Variants in PCNX2 observed in about 807,000 individuals in gnomAD.
The protein encoded by PCNX2 is pecanex 2, also known as pecanex-like protein 2.
Under a neutral mutation model 223.8 loss-of-function variants are expected in PCNX2, and 168 were observed. That is an observed-to-expected ratio of 0.75 (90% confidence interval 0.66 to 0.85). The LOEUF is 0.85. Among genes scored for constraint, PCNX2 ranks in the 40% least tolerant of loss-of-function variants. The pLI is 0.00. For missense variants in PCNX2, 2,507 were observed against 2,675.5 expected (o/e 0.94, Z 1.39); for synonymous variants, 1,006 against 1,052.6 (o/e 0.96, Z 0.86).
the PCNX2 span, among the ~76,000 whole-genome samples, chr1:233,322,758 C>T: frequency 6.6e-6 from 1 of 152,092 alleles, no homozygotes; most frequent in Non-Finnish European, 1.5e-5. Context: ...GTCAAAGGCA[C>T]CCCCACCCTG....
intron 9 of PCNX2, among the ~76,000 whole-genome samples, chr1:233,229,206 C>T (rs1331092781): frequency 1.3e-5 from 2 of 152,172 alleles, no homozygotes; most frequent in Non-Finnish European, 2.9e-5. Context: ...TGCTAATCTG[C>T]TTACTCAGCC....
At chr1:233,075,299 T>C (rs557102711) in intron 23 of PCNX2, among the ~76,000 whole-genome samples, 2 of 152,322 alleles carry the variant, frequency 1.3e-5, no homozygotes, top group South Asian at 2.1e-4. Context: ...CACTGAATTA[T>C]GTTGTGTGAA....
chr1:233,045,456 T>G (rs145412145), intron 25 of PCNX2, among the ~76,000 whole-genome samples: 3 of 152,322 alleles, frequency 2.0e-5, no homozygotes, highest in Non-Finnish European at 4.4e-5. Flanking sequence ...GACTGGACTC[T>G]ACATGAATGT....
At chr1:233,092,558 G>C (rs971599793) in intron 22 of PCNX2, among the ~76,000 whole-genome samples, 2 of 152,108 alleles carry the variant, frequency 1.3e-5, no homozygotes, top group Non-Finnish European at 2.9e-5. Flanking sequence ...GAATAGAGAG[G>C]ATCTTTTTTG....
At chr1:233,230,397 T>C (rs1157782221) in intron 9 of PCNX2, among the ~76,000 whole-genome samples, 1 of 152,032 alleles carries the variant, frequency 6.6e-6, no homozygotes, top group Admixed American at 6.6e-5. Flanking sequence ...CTGTAAGTGA[T>C]CTAAATAATG....
the PCNX2 span, among the ~76,000 whole-genome samples, chr1:233,304,233 G>A: frequency 6.6e-6 from 1 of 152,176 alleles, no homozygotes; most frequent in Admixed American, 6.6e-5. Context: ...GTGGCACAGA[G>A]GAGCATGAGC....
At chr1:233,185,421 G>A (rs2145790) in intron 15 of PCNX2, among the ~76,000 whole-genome samples, 3,235 of 152,008 alleles carry the variant, frequency 0.021, 50 homozygotes, top group Non-Finnish European at 0.034. Context: ...CACCTTAAAC[G>A]TGTATATAGC....
chr1:233,285,726 T>A (rs1175074666), intron 1 of PCNX2, among the ~76,000 whole-genome samples: 1 of 152,104 alleles, frequency 6.6e-6, no homozygotes, highest in Non-Finnish European at 1.5e-5. Context: ...CAAACACATG[T>A]TTAGGTTGGT....
intron 28 of PCNX2, among the ~76,000 whole-genome samples, chr1:233,007,555 T>TTTAGTA (rs1488603357): frequency 6.6e-6 from 1 of 152,194 alleles, no homozygotes; most frequent in Non-Finnish European, 1.5e-5. Flanking sequence ...TTTATTTTTT[T>TTTAGTA]GAGACGGAGT....
At chr1:233,045,271 G>C (rs1671787038) in intron 25 of PCNX2, among the ~76,000 whole-genome samples, 1 of 152,190 alleles carries the variant, frequency 6.6e-6, no homozygotes, top group South Asian at 2.1e-4. Context: ...TGGGAAGATT[G>C]TTAGGCCAAG....
intron 17 of PCNX2, among the ~76,000 whole-genome samples, chr1:233,163,802 ATGGTC>A (rs1678638194): frequency 6.6e-6 from 1 of 151,966 alleles, no homozygotes; most frequent in South Asian, 2.1e-4. Context: ...TAAAATATGT[ATGGTC>A]TGGCTTCTTT....
intron 21 of PCNX2, among the ~76,000 whole-genome samples, chr1:233,105,427 T>C (rs774099684): frequency 1.2e-4 from 18 of 152,160 alleles, no homozygotes; most frequent in Admixed American, 8.5e-4. Context: ...CAGAGCTATG[T>C]TGCAATAAAC....
chr1:233,092,436 A>G (rs886258789), intron 22 of PCNX2, among the ~76,000 whole-genome samples: 5 of 152,256 alleles, frequency 3.3e-5, no homozygotes, highest in African/African-American at 1.2e-4. Flanking sequence ...TTTAAATGCC[A>G]GAAACAATTA....
intron 25 of PCNX2, among the ~76,000 whole-genome samples, chr1:233,035,953 C>T (rs1350639480): frequency 1.3e-5 from 2 of 152,192 alleles, no homozygotes; most frequent in East Asian, 3.9e-4. Context: ...GCCCCCATAA[C>T]ATTTTTCTTA....
At chr1:233,142,764 T>C (rs185471737) in intron 19 of PCNX2, among the ~76,000 whole-genome samples, 1 of 152,262 alleles carries the variant, frequency 6.6e-6, no homozygotes, top group South Asian at 2.1e-4. Flanking sequence ...CTGATACTTC[T>C]CAGTCTCTCT....
chr1:233,251,592 C>T (rs530019477), intron 7 of PCNX2, among the ~76,000 whole-genome samples: 1 of 152,318 alleles, frequency 6.6e-6, no homozygotes, highest in Non-Finnish European at 1.5e-5. Flanking sequence ...CCTGTGGAGG[C>T]TTTCATGTAA....
intron 17 of PCNX2, among the ~76,000 whole-genome samples, chr1:233,169,631 C>T (rs375682141): frequency 9.5e-5 from 12 of 126,702 alleles, no homozygotes; most frequent in African/African-American, 3.6e-4. Flanking sequence ...GGCGACAGAG[C>T]GAAACTCCGT....
intron 15 of PCNX2, among the ~76,000 whole-genome samples, chr1:233,198,581 A>C (rs1315655254): frequency 1.3e-5 from 2 of 152,174 alleles, no homozygotes; most frequent in Admixed American, 1.3e-4. Flanking sequence ...AGCTTTAAGC[A>C]ATTGTATTCC....
intron 30 of PCNX2, 21 bp from the exon 31 acceptor site, chr1:232,999,400 G>C: frequency 1.3e-6 from 2 of 1,570,246 alleles, no homozygotes; most frequent in Non-Finnish European, 1.7e-6. Flanking sequence ...GAGAGGGAAC[G>C]GGAAGAAAGG....
Sources: gnomAD v4.1 joint callset for allele counts (sites outside exome capture counted in the v4.1 genomes callset) on GRCh38, gnomAD v4.1.1 for gene constraint, MANE v1.5 for transcripts, NCBI Gene and HGNC (gene_info 2026-07-23, HGNC 2026-07-21) for gene names.